The following RHOH variants were observed in gnomAD, a reference collection of about 807,000 sequenced individuals.
RHOH encodes ras homolog family member H, also known as rho-related GTP-binding protein RhoH.
A neutral mutation model predicts 13.8 loss-of-function variants in RHOH; 6 were observed. The observed-to-expected ratio is 0.44, with a 90% confidence interval of 0.24 to 0.86. The LOEUF is 0.86. RHOH is among the 40% of genes least tolerant of loss of function. The pLI is 0.24. For missense variants in RHOH, 147 were observed against 244.5 expected (o/e 0.60, Z 2.66); for synonymous variants, 117 against 103.0 (o/e 1.14, Z -0.82).
chr4:40,226,031 T>A (rs919753937), intron 1 of RHOH, among the ~76,000 whole-genome samples: 1 of 152,214 alleles, frequency 6.6e-6, no homozygotes, highest in African/African-American at 2.4e-5. Context: ...TATAAAGCAC[T>A]TCAAACAGCG....
chr4:40,220,429 C>T (rs535964913), intron 1 of RHOH, among the ~76,000 whole-genome samples: 21 of 152,252 alleles, frequency 1.4e-4, no homozygotes, highest in South Asian at 6.2e-4. Context: ...CAGAACATTG[C>T]GTCTCCTCTC....
At chr4:40,236,700 A>G (rs7654932) in intron 1 of RHOH, among the ~76,000 whole-genome samples, 32,765 of 151,708 alleles carry the variant, frequency 0.22, 4,492 homozygotes, top group African/African-American at 0.4. Context: ...GCTGAGGCAA[A>G]AGAATTGCTT....
At chr4:40,207,362 T>C (rs1214062849) in intron 1 of RHOH, among the ~76,000 whole-genome samples, 1 of 152,228 alleles carries the variant, frequency 6.6e-6, no homozygotes, top group Non-Finnish European at 1.5e-5. Flanking sequence ...GTATTTTTTC[T>C]GAGTCCTATA....
At chr4:40,200,892 T>C (rs1579227464) in intron 1 of RHOH, among the ~76,000 whole-genome samples, 1 of 152,252 alleles carries the variant, frequency 6.6e-6, no homozygotes, top group East Asian at 1.9e-4. Context: ...AGAATACTAA[T>C]GAATTGCTTT....
intron 1 of RHOH, among the ~76,000 whole-genome samples, chr4:40,217,200 G>A (rs147486622): frequency 6.6e-6 from 1 of 152,144 alleles, no homozygotes. Context: ...TCTTGGAGTT[G>A]TTCAAGTAAT....
intron 1 of RHOH, among the ~76,000 whole-genome samples, chr4:40,206,499 C>CT (rs989256171): frequency 1.3e-5 from 2 of 152,088 alleles, no homozygotes; most frequent in Non-Finnish European, 2.9e-5. Context: ...TTACAAAAAC[C>CT]TTTAAGGGGC....
chr4:40,200,293 C>T (rs918390232), intron 1 of RHOH: 4 of 152,262 alleles, frequency 2.6e-5, no homozygotes, highest in South Asian at 2.1e-4. Context: ...TCATACTGTT[C>T]CCCGGATGTG....
chr4:40,229,882 C>T (rs1029055509), intron 1 of RHOH, among the ~76,000 whole-genome samples: 1 of 152,106 alleles, frequency 6.6e-6, no homozygotes, highest in African/African-American at 2.4e-5. Flanking sequence ...AATACATCAA[C>T]ATCTCTATCA....
intron 1 of RHOH, among the ~76,000 whole-genome samples, chr4:40,203,656 A>G (rs1391143497): frequency 6.6e-6 from 1 of 152,170 alleles, no homozygotes; most frequent in East Asian, 1.9e-4. Context: ...GCCCAGAGGG[A>G]CAAGTTATTT....
At chr4:40,228,357 C>T (rs576581115) in intron 1 of RHOH, among the ~76,000 whole-genome samples, 6 of 151,522 alleles carry the variant, frequency 4.0e-5, no homozygotes, top group South Asian at 4.2e-4. Context: ...TCAGTGTTTT[C>T]GAAATGTTCT....
intron 1 of RHOH, among the ~76,000 whole-genome samples, chr4:40,227,181 A>G (rs1277372355): frequency 6.6e-6 from 1 of 151,436 alleles, no homozygotes; most frequent in East Asian, 1.9e-4. Flanking sequence ...AAAAACAAAA[A>G]CAAACAAAAA....
upstream of RHOH, chr4:40,196,821 T>C (rs145270827): frequency 2.0e-4 from 30 of 151,664 alleles, no homozygotes; most frequent in African/African-American, 7.0e-4. Flanking sequence ...AGAAACATAG[T>C]CTCGGAGTAG....
upstream of RHOH, chr4:40,193,526 G>C (rs1195780811): frequency 3.4e-5 from 5 of 149,222 alleles, no homozygotes; most frequent in East Asian, 9.9e-4. Context: ...GGGGCGGGGT[G>C]GGGGAGGAGG....
At chr4:40,221,940 G>A (rs1299045517) in intron 1 of RHOH, among the ~76,000 whole-genome samples, 2 of 152,184 alleles carry the variant, frequency 1.3e-5, no homozygotes, top group Admixed American at 6.5e-5. Flanking sequence ...GAATGATAAG[G>A]AAGTGAAACA....
At chr4:40,195,008 T>G (rs1165063056), upstream of RHOH, among the ~76,000 whole-genome samples, 1 of 152,058 alleles carries the variant, frequency 6.6e-6, no homozygotes, top group Non-Finnish European at 1.5e-5. Context: ...TGTTTATGTT[T>G]CTCCCGCGGG....
At chr4:40,211,532 C>T (rs1217702387) in intron 1 of RHOH, among the ~76,000 whole-genome samples, 2 of 152,086 alleles carry the variant, frequency 1.3e-5, no homozygotes, top group African/African-American at 4.8e-5. Context: ...CCTCGGCCTC[C>T]CAAAGTGTAA....
rs577180016 is a variant in RHOH at position 40,203,475 on chromosome 4, G to A, written c.-331+6175G>A. Among the ~76,000 whole-genome samples, 44 of 152,144 alleles carry A rather than the reference G, an allele frequency of 2.9e-4. No homozygotes were observed. In the South Asian group the frequency reaches 8.1e-3, roughly 28 times the overall value. On this transcript the variant is annotated intron_variant, in intron 1 of 2. Coordinates refer to ENST00000381799, the MANE Select transcript of RHOH (RefSeq NM_004310.5). ...GATTACACTTTGAGAAACACTAGTG[G>A]AATAAATGCAACAGTTTGGTTTTGT...
intron 1 of RHOH, chr4:40,240,135 C>T (rs1271403174): frequency 6.6e-6 from 1 of 152,174 alleles, no homozygotes; most frequent in African/African-American, 2.4e-5. Flanking sequence ...CAGATATTCA[C>T]TCAGGAAATT....
chr4:40,206,172 G>A (rs1724614742), intron 1 of RHOH, among the ~76,000 whole-genome samples: 1 of 152,214 alleles, frequency 6.6e-6, no homozygotes, highest in Admixed American at 6.5e-5. Context: ...AGAATGGACT[G>A]GCACAAATCT....
Sources: gnomAD v4.1 joint callset for allele counts (sites outside exome capture counted in the v4.1 genomes callset) on GRCh38, gnomAD v4.1.1 for gene constraint, MANE v1.5 for transcripts, NCBI Gene and HGNC (gene_info 2026-07-23, HGNC 2026-07-21) for gene names.